Variants in LENG8 observed in about 807,000 individuals in gnomAD.
The protein encoded by LENG8 is leukocyte receptor cluster member 8.
In LENG8, 28 loss-of-function variants were observed where a neutral mutation model predicts 102.1. The ratio of observed to expected loss-of-function variants is 0.27; its 90% CI spans 0.20 to 0.38. The LOEUF (loss-of-function observed/expected upper bound fraction) is 0.38, where lower values mean the gene tolerates loss of function less well. LENG8 is among the 10% of genes least tolerant of loss of function. The pLI, the probability that LENG8 is intolerant of heterozygous loss-of-function variation, is 1.00. For synonymous variants in LENG8, 531 were observed against 456.7 expected (o/e 1.16, Z -2.07); for missense variants, 1,022 against 1,113.9 (o/e 0.92, Z 1.17).
At position 54,456,232 on chromosome 19, in the gene LENG8, C is replaced by G; in HGVS notation, c.1291C>G (p.His431Asp). The change falls in exon 9 of 16, where the codon CAC becomes GAC. Residue 431 changes from histidine (H) to aspartate (D), a missense_variant. Physicochemically the swap from His to Asp is moderately conservative, Grantham distance 81. This residue lies in a region of LENG8 where 326 missense variants were observed against 324.5 expected (regional missense o/e 1.00). Coordinates refer to ENST00000326764, the MANE Select transcript of LENG8 (RefSeq NM_052925.4). ...SRSSSRSPTR[H>D]FRRSDSHSDS... The stretch of plus-strand genomic sequence containing the variant: ...CTCCTCCTCCAGGTCCCCGACGCGC[C>G]ACTTCCGCAGAAGGTACTGAGGCTC... The G allele has an allele frequency of 1.9e-6, 3 of 1,613,474 alleles. No individual in the cohort carries two copies. Among genetic ancestry groups the G allele is most frequent in the Middle Eastern group, 1.7e-4 (1 of 6,056 alleles).
intron 15 of LENG8, chr19:54,459,005 GC>G: frequency 6.9e-7 from 1 of 1,440,786 alleles, no homozygotes; most frequent in Non-Finnish European, 9.1e-7. Context: ...CTGTGTTGAG[GC>G]CACACTGGGC....
rs1487692507 is a variant in LENG8, at chr19:54,461,594, C to T, written c.*666C>T. Reference sequence around the variant, plus strand: ...TATAAAGTTGTCTCCGTGTCCCCTCCTCCCTCTGCCCCCAGTGTTTCTTCT... The same window carrying T: ...TATAAAGTTGTCTCCGTGTCCCCTCTTCCCTCTGCCCCCAGTGTTTCTTCT... On this transcript the variant is annotated 3_prime_UTR_variant, in exon 16 of 16. Coordinates refer to ENST00000326764, the MANE Select transcript of LENG8 (RefSeq NM_052925.4). 2 of 473,094 alleles carry T rather than the reference C, an allele frequency of 4.2e-6. No homozygotes were observed. Among genetic ancestry groups the T allele is most frequent in the Admixed American group, 2.3e-5 (1 of 42,618 alleles). The allele number at this position is 473,094 out of a possible 1,614,324, so 29.3% of individuals were successfully genotyped here. A position where few individuals can be genotyped will look rare whatever the true frequency, so the allele number is the denominator to read the frequency against.
chr19:54,451,929 T>C, intron 2 of LENG8, 164 bp from the exon 3 acceptor site: 1 of 595,324 alleles, frequency 1.7e-6, no homozygotes, highest in Non-Finnish European at 2.9e-6. Flanking sequence ...CAGCAGACTC[T>C]GAAGCAGAAA....
chr19:54,454,048 G>C (rs935290720), intron 5 of LENG8, among the ~76,000 whole-genome samples: 1 of 152,042 alleles, frequency 6.6e-6, no homozygotes, highest in East Asian at 1.9e-4. Context: ...TCTCGAAAGC[G>C]GGAAGGATGG....
chr19:54,450,138 T>A lies in LENG8; in HGVS notation c.-56+828T>A, dbSNP rs138812802. Among the ~76,000 whole-genome samples the A allele has an allele frequency of 1.4e-3, 208 of 152,336 alleles. 6 individuals carry two copies. The East Asian group carries it at 0.037, about 27-fold the overall frequency. Reference sequence around the variant, plus strand: ...TACCCCACTCTTAATTCGTTGAACATGTTTTGGGTCTTCTTTGGCATTCCC... The same window carrying A: ...TACCCCACTCTTAATTCGTTGAACAAGTTTTGGGTCTTCTTTGGCATTCCC... On this transcript the variant is annotated intron_variant, in intron 1 of 15. Coordinates refer to ENST00000326764, the MANE Select transcript of LENG8 (RefSeq NM_052925.4).
In LENG8 at chr19:54,461,105, C is replaced by T. The variant is rs561940479; in HGVS notation, c.*177C>T. ...GGGAGTCTGTACAGAGATTTTTCTACGTTTTTATTTTTTGCCTCAGAGGGA... is the reference window on the plus strand; with the variant it reads ...GGGAGTCTGTACAGAGATTTTTCTATGTTTTTATTTTTTGCCTCAGAGGGA... On this transcript the variant is annotated 3_prime_UTR_variant, in exon 16 of 16. Transcript: ENST00000326764. 30 of 1,003,596 alleles carry T rather than the reference C, an allele frequency of 3.0e-5. No individual in the cohort carries two copies. Among genetic ancestry groups the T allele is most frequent in the Non-Finnish European group, 4.0e-5 (27 of 671,778 alleles). The allele number at this position is 1,003,596 out of a possible 1,614,324, so 62.2% of individuals were successfully genotyped here.
chr19:54,455,893 T>G lies in LENG8; in HGVS notation c.1026-74T>G. ...TTCCTTTCGGAGGCGGGTCGGTACC[T>G]TGAGGGAGGTGGTGGCGGCTGTCCT... is the stretch of plus-strand genomic sequence containing the variant. On this transcript the variant is annotated intron_variant, in intron 8 of 15. Coordinates refer to ENST00000326764, the MANE Select transcript of LENG8 (RefSeq NM_052925.4). The G allele has an allele frequency of 8.6e-6, 13 of 1,504,706 alleles. 1 individual carries two copies. In the South Asian group the frequency reaches 1.5e-4, roughly 17 times the overall value. The allele number at this position is 1,504,706 out of a possible 1,614,324, so 93.2% of individuals were successfully genotyped here. A position where few individuals can be genotyped will look rare whatever the true frequency, so the allele number is the denominator to read the frequency against.
rs2084520949 is a variant in LENG8 at position 54,461,016 on chromosome 19, T to C, written c.*88T>C. 3.3e-6 allele frequency: 5 copies of C among 1,527,624 alleles called. No individual in the cohort carries two copies. In the Admixed American group the frequency reaches 1.0e-4, roughly 31 times the overall value. The allele number at this position is 1,527,624 out of a possible 1,614,324, so 94.6% of individuals were successfully genotyped here. ...GTTTTTGAGCCGTGGACTTGGGTTGTAAATTTATTTGTGGGGAGTGCGCTC... is the reference window on the plus strand; with the variant it reads ...GTTTTTGAGCCGTGGACTTGGGTTGCAAATTTATTTGTGGGGAGTGCGCTC... On this transcript the variant is annotated 3_prime_UTR_variant, in exon 16 of 16. Coordinates refer to ENST00000326764, the MANE Select transcript of LENG8 (RefSeq NM_052925.4).
At chr19:54,451,870 C>T in intron 2 of LENG8, 1 of 513,258 alleles carries the variant, frequency 1.9e-6, no homozygotes, top group Non-Finnish European at 3.4e-6. Flanking sequence ...CTGCTGTGTG[C>T]CAGGCTCTGG....
chr19:54,453,473 T>C (rs1191993997), intron 4 of LENG8, 73 bp from the exon 5 acceptor site: 1 of 912,548 alleles, frequency 1.1e-6, no homozygotes, highest in Non-Finnish European at 1.8e-6. Context: ...ATGGCTGGTG[T>C]AGTTCCTGAG....
At position 54,450,071 on chromosome 19, in the gene LENG8, C is replaced by T. The variant is rs565279614; in HGVS notation, c.-56+761C>T. Among the ~76,000 whole-genome samples, 25 of 152,310 alleles carry T rather than the reference C, an allele frequency of 1.6e-4. No individual in the cohort carries two copies. The South Asian group carries it at 5.2e-3, about 32-fold the overall frequency. On this transcript the variant is annotated intron_variant, in intron 1 of 15. Coordinates refer to ENST00000326764, the MANE Select transcript of LENG8 (RefSeq NM_052925.4). The stretch of plus-strand genomic sequence containing the variant: ...CTCTCGGGAGTTTAGGCTCCTGAAT[C>T]CTTGCTCCGGAGACACTCCACTTTT...
At chr19:54,451,983 T>G in intron 2 of LENG8, 110 bp from the exon 3 acceptor site, 1 of 977,618 alleles carries the variant, frequency 1.0e-6, no homozygotes, top group South Asian at 1.6e-5. Context: ...AGGCTTAGAC[T>G]GGTAGTAACA....
intron 7 of LENG8, 100 bp from the exon 8 acceptor site, chr19:54,455,264 T>C: frequency 6.6e-7 from 1 of 1,510,246 alleles, no homozygotes; most frequent in South Asian, 1.1e-5. Context: ...AAGGAAAACT[T>C]GGGGACTGCG....
intron 6 of LENG8, 54 bp downstream of exon 6, chr19:54,454,736 C>G: frequency 6.6e-7 from 1 of 1,523,412 alleles, no homozygotes; most frequent in African/African-American, 1.4e-5. Context: ...CATAAGAGCT[C>G]CTGGGTGTGA....
chr19:54,456,978 G>C (rs1333192290), intron 11 of LENG8, 57 bp downstream of exon 11: 5 of 1,515,374 alleles, frequency 3.3e-6, no homozygotes, highest in Non-Finnish European at 4.4e-6. Flanking sequence ...CAGGACTTGG[G>C]GAGCCAACCC....
Position 54,453,524 on chromosome 19 carries a change from C to A in LENG8, c.316-22C>A, listed in dbSNP as rs1397992487. The A allele has an allele frequency of 2.6e-6, 4 of 1,567,800 alleles. 1 individual carries two copies. In the South Asian group the frequency reaches 3.3e-5, roughly 13 times the overall value. On this transcript the variant is annotated intron_variant, in intron 4 of 15. Coordinates refer to ENST00000326764, the MANE Select transcript of LENG8 (RefSeq NM_052925.4). ...GAAAGGGTAGGCCTCCCACTAAACC[C>A]TCCCTCCCTGCGCCTTTGCAGAGCA...
chr19:54,459,750 G>A (rs2084434906), intron 15 of LENG8: 1 of 1,062,786 alleles, frequency 9.4e-7, no homozygotes, highest in Non-Finnish European at 1.1e-6. Context: ...ACTTCAGGGA[G>A]AGGCTGAGCC....
In LENG8 at chr19:54,460,065, C is replaced by T. The variant is rs140849046; in HGVS notation, c.2241-701C>T. 774 of 1,289,308 alleles carry T rather than the reference C, an allele frequency of 6.0e-4. 7 individuals are homozygous for T. The Admixed American group carries it at 0.01, about 17-fold the overall frequency. 79.9% of individuals were successfully genotyped at this position (1,289,308 alleles called of 1,614,324 possible). A position where few individuals can be genotyped will look rare whatever the true frequency, so the allele number is the denominator to read the frequency against. On this transcript the variant is annotated intron_variant, in intron 15 of 15. Transcript: ENST00000326764. Reference sequence around the variant, plus strand: ...CACCTTCCCCCCAAGGAGGCTGACCCTGCCCTGCCAGCTGAGACTGGGAGA... The same window carrying T: ...CACCTTCCCCCCAAGGAGGCTGACCTTGCCCTGCCAGCTGAGACTGGGAGA...
chr19:54,456,325 T>G lies in LENG8; in HGVS notation c.1305T>G (p.Ser435Arg). The G allele has an allele frequency of 6.2e-7, 1 of 1,613,978 alleles. No individual in the cohort carries two copies. The highest frequency in any genetic ancestry group is 1.7e-5 in the Admixed American group (1 of 60,022). Reference sequence around the variant, plus strand: ...CTGACCCTCCTGCTTCTTCCTGCAGTGACTCCCACTCAGACTCCGACAGCT... The same window carrying G: ...CTGACCCTCCTGCTTCTTCCTGCAGGGACTCCCACTCAGACTCCGACAGCT... ...SRSPTRHFRRSDSHSDSDSSY... is the reference protein window; with the variant it reads ...SRSPTRHFRRRDSHSDSDSSY... The change falls in exon 10 of 16, where the codon AGT becomes AGG. Residue 435 changes from serine to arginine, a missense_variant and splice_region_variant. Physicochemically the swap from Ser to Arg is moderately radical, Grantham distance 110 (BLOSUM62 -1). Transcript: ENST00000326764.
Sources: allele counts gnomAD v4.1 joint callset (sites outside exome capture counted in the v4.1 genomes callset), GRCh38; gene constraint gnomAD v4.1.1; regional missense constraint gnomAD v4.1.1; transcripts MANE v1.5; gene names NCBI Gene and HGNC (gene_info 2026-07-23, HGNC 2026-07-21).